NMBR: variants seen among roughly 807,000 people sequenced by gnomAD.
NMBR encodes neuromedin-B receptor.
A neutral mutation model predicts 20.5 loss-of-function variants in NMBR; 16 were observed. The observed-to-expected ratio is 0.78, with a 90% CI of 0.53 to 1.19. The LOEUF is 1.19. Among genes scored for constraint, NMBR ranks in the 50% most tolerant of loss-of-function variants. The pLI is 0.00. For missense variants in NMBR, 582 were observed against 499.1 expected (o/e 1.17, Z -1.58); for synonymous variants, 212 against 196.6 (o/e 1.08, Z -0.65).
chr6:142,141,630 G>T (rs958571282), intron 1 of NMBR, among the ~76,000 whole-genome samples: 9 of 149,886 alleles, frequency 6.0e-5, no homozygotes, highest in African/African-American at 1.7e-4. Flanking sequence ...TCAGCCTCCC[G>T]AATAGCTGGG....
In NMBR at chr6:142,076,131, G is replaced by A. The variant is rs143141833; in HGVS notation, c.772-82C>T. On this transcript the variant is annotated intron_variant, in intron 3 of 3. Transcript: ENST00000258042. ...ACCAACTTTATCAAGTCAGGAAAGA[G>A]CAAAATTTACAGCATGATAATACAT... The A allele has an allele frequency of 3.2e-5, 39 of 1,206,234 alleles. No homozygotes were observed. The African/African-American group carries it at 5.4e-4, about 17-fold the overall frequency. The allele number at this position is 1,206,234 out of a possible 1,614,324, so 74.7% of individuals were successfully genotyped here.
At chr6:142,103,287 TAAC>T (rs955593707) in intron 1 of NMBR, among the ~76,000 whole-genome samples, 3 of 152,330 alleles carry the variant, frequency 2.0e-5, no homozygotes, top group South Asian at 4.1e-4. Flanking sequence ...GCTACTATTA[TAAC>T]AACAGCCCTT....
intron 1 of NMBR, chr6:142,134,892 TAGA>T: frequency 1.6e-6 from 1 of 608,290 alleles, no homozygotes; most frequent in Non-Finnish European, 2.9e-6. Flanking sequence ...AGATCATATT[TAGA>T]AGATTATACT....
At chr6:142,097,751 A>G (rs1777484414) in intron 1 of NMBR, among the ~76,000 whole-genome samples, 1 of 152,152 alleles carries the variant, frequency 6.6e-6, no homozygotes, top group African/African-American at 2.4e-5. Flanking sequence ...AACTAAACCA[A>G]TAATGGCACA....
chr6:142,134,815 AT>A (rs1275940749), intron 1 of NMBR: 21 of 671,370 alleles, frequency 3.1e-5, no homozygotes, highest in East Asian at 1.1e-4. Flanking sequence ...TGAAAAAACC[AT>A]TTTTCTCATT....
rs570148347 is a variant in NMBR, at chr6:142,100,379, G to C, written c.-663-11058C>G. 3.9e-5 allele frequency among the ~76,000 whole-genome samples: 6 copies of C among 152,206 alleles called. No homozygotes were observed. The East Asian group carries it at 1.2e-3, about 29-fold the overall frequency. The stretch of plus-strand genomic sequence containing the variant: ...ATGATTGGATGTTATTCAGCCCTAA[G>C]AAAAATGAGATATCCAGCCATAAAA... On this transcript the variant is annotated intron_variant, in intron 1 of 3. Transcript: ENST00000258042.
intron 1 of NMBR, among the ~76,000 whole-genome samples, chr6:142,131,013 C>A (rs1358829046): frequency 1.3e-5 from 2 of 152,138 alleles, no homozygotes; most frequent in African/African-American, 4.8e-5. Flanking sequence ...TACATATCTC[C>A]TGTTTTTCCA....
chr6:142,096,749 T>C (rs1167124692), intron 1 of NMBR, among the ~76,000 whole-genome samples: 2 of 152,118 alleles, frequency 1.3e-5, no homozygotes, highest in Non-Finnish European at 2.9e-5. Context: ...GTCTCGTTGA[T>C]CTGTCTAATG....
At chr6:142,099,952 G>A (rs1777529996) in intron 1 of NMBR, among the ~76,000 whole-genome samples, 1 of 152,076 alleles carries the variant, frequency 6.6e-6, no homozygotes, top group Non-Finnish European at 1.5e-5. Flanking sequence ...GTGTAAATAA[G>A]CATATAAAAA....
rs750914758 is a variant in NMBR at position 142,088,213 on chromosome 6, A to C, written c.422+24T>G. On this transcript the variant is annotated intron_variant, in intron 2 of 3. Coordinates refer to ENST00000258042, the MANE Select transcript of NMBR (RefSeq NM_002511.4). Reference sequence around the variant, plus strand: ...CCCCTCTCCACGACTTTTCCAAGCCACTCACAGCTACCTGTGCTCTTACCT... The same window carrying C: ...CCCCTCTCCACGACTTTTCCAAGCCCCTCACAGCTACCTGTGCTCTTACCT... 1.3e-5 allele frequency: 20 copies of C among 1,598,014 alleles called. 1 individual carries two copies. The South Asian group carries it at 2.2e-4, about 18-fold the overall frequency.
At chr6:142,113,592 C>T (rs534562379) in intron 1 of NMBR, among the ~76,000 whole-genome samples, 1 of 152,092 alleles carries the variant, frequency 6.6e-6, no homozygotes, top group African/African-American at 2.4e-5. Flanking sequence ...GAAGTGATTC[C>T]ATGTATCTGA....
At position 142,075,956 on chromosome 6, in the gene NMBR, G is replaced by A. The variant is rs376623534; in HGVS notation, c.865C>T (p.Arg289Trp). The A allele has an allele frequency of 3.0e-5, 49 of 1,613,712 alleles. No individual in the cohort carries two copies. In the African/African-American group the frequency reaches 3.6e-4, roughly 12 times the overall value. The change falls in exon 4 of 4, where the codon CGG (arginine) becomes TGG (tryptophan). Residue 289 changes from arginine to tryptophan, a missense_variant. Arg to Trp is a moderately radical substitution (Grantham distance 101). Transcript: ENST00000258042. ...WFPNHILYMY[R>W]SFNYNEIDPS... ...TCAATCTCATTATAGTTGAAAGACC[G>A]ATACATGTAAAGGATGTGGTTTGGA...
Position 142,088,864 on chromosome 6 carries a change from G to C in NMBR, c.-206C>G. The C allele has an allele frequency of 4.0e-6, 2 of 499,068 alleles. No individual in the cohort carries two copies. Among genetic ancestry groups the C allele is most frequent in the African/African-American group, 1.9e-5 (1 of 52,162 alleles). 30.9% of individuals were successfully genotyped at this position (499,068 alleles called of 1,614,324 possible). A position where few individuals can be genotyped will look rare whatever the true frequency, so the allele number is the denominator to read the frequency against. On this transcript the variant is annotated 5_prime_UTR_variant, in exon 2 of 4. Transcript: ENST00000258042. ...CACACACTCGGGCGCTCCGCTTCTA[G>C]AGGGGGGAAATGGCTCCGGCTAACT...
chr6:142,109,038 C>T (rs1338949206), intron 1 of NMBR, among the ~76,000 whole-genome samples: 1 of 152,172 alleles, frequency 6.6e-6, no homozygotes, highest in Non-Finnish European at 1.5e-5. Context: ...TAATCATGCC[C>T]ACCTCAGCTG....
chr6:142,101,398 T>A (rs145237740), intron 1 of NMBR, among the ~76,000 whole-genome samples: 8 of 152,322 alleles, frequency 5.3e-5, no homozygotes, highest in African/African-American at 1.9e-4. Context: ...CAAAATTTTA[T>A]CATTGATGTC....
chr6:142,084,770 C>G (rs1777168244), intron 2 of NMBR, among the ~76,000 whole-genome samples: 1 of 152,132 alleles, frequency 6.6e-6, no homozygotes, highest in Admixed American at 6.5e-5. Context: ...TTTGGAAACG[C>G]AGCTACTCAT....
Position 142,075,463 on chromosome 6 carries a change from T to A in NMBR, c.*185A>T. ...AGTGATTTAAAGTCTTTTCTCATATTCTAATTATTAGGAAATGAAAAGAGA... is the reference window on the plus strand; with the variant it reads ...AGTGATTTAAAGTCTTTTCTCATATACTAATTATTAGGAAATGAAAAGAGA... On this transcript the variant is annotated 3_prime_UTR_variant, in exon 4 of 4. Transcript: ENST00000258042. 1.8e-6 allele frequency: 1 copy of A among 544,964 alleles called. No individual in the cohort carries two copies. The highest frequency in any genetic ancestry group is 2.7e-5 in the South Asian group (1 of 36,664). 33.8% of individuals were successfully genotyped at this position (544,964 alleles called of 1,614,324 possible). A position where few individuals can be genotyped will look rare whatever the true frequency, so the allele number is the denominator to read the frequency against.
chr6:142,111,042 C>T (rs1260917090), intron 1 of NMBR, among the ~76,000 whole-genome samples: 3 of 152,066 alleles, frequency 2.0e-5, no homozygotes, highest in African/African-American at 7.2e-5. Context: ...GAGCTTGAGA[C>T]GAGCCTGGCC....
intron 1 of NMBR, among the ~76,000 whole-genome samples, chr6:142,131,073 T>C (rs76216431): frequency 4.7e-4 from 72 of 152,264 alleles, no homozygotes; most frequent in African/African-American, 1.7e-3. Flanking sequence ...TGTATCACCA[T>C]TGTATATTGA....
Sources: gnomAD v4.1 joint callset for allele counts (sites outside exome capture counted in the v4.1 genomes callset) on GRCh38, gnomAD v4.1.1 for gene constraint, MANE v1.5 for transcripts, NCBI Gene and HGNC (gene_info 2026-07-23, HGNC 2026-07-21) for gene names.